NBPF11: variants seen among roughly 807,000 people sequenced by gnomAD.
The protein encoded by NBPF11 is NBPF member 11.
NBPF11 carries 72 observed loss-of-function variants against 93.9 expected under a neutral mutation model. The observed-to-expected ratio is 0.77, with a 90% CI of 0.63 to 0.93. The LOEUF (loss-of-function observed/expected upper bound fraction) is 0.93, where lower values mean the gene tolerates loss of function less well. Ranked by LOEUF, NBPF11 falls within the 40% of genes least tolerant of loss-of-function variation. NBPF11 has a pLI of 0.00. For missense variants in NBPF11, 705 were observed against 802.2 expected (o/e 0.88, Z 1.46); for synonymous variants, 224 against 304.9 (o/e 0.73, Z 2.76).
In NBPF11 at chr1:148,152,163, C is replaced by A. The variant is rs1305523196; in HGVS notation, c.-962G>T. The A allele has an allele frequency of 1.3e-5, 2 of 152,158 alleles. No individual in the cohort carries two copies. Among genetic ancestry groups the A allele is most frequent in the Non-Finnish European group, 2.9e-5 (2 of 68,092 alleles). The allele number at this position is 152,158 out of a possible 1,614,324, so 9.4% of individuals were successfully genotyped here. A position where few individuals can be genotyped will look rare whatever the true frequency, so the allele number is the denominator to read the frequency against. ...TCCCCTCCGCCTCTCTTTCAAAGCA[C>A]CAGCCCTTGACCCTGCAATTCGCTG... On this transcript the variant is annotated 5_prime_UTR_variant, in exon 1 of 24. Transcript: ENST00000682118.
chr1:148,149,641 G>A (rs1480419108), intron 1 of NBPF11: 7 of 1,330,954 alleles, frequency 5.3e-6, no homozygotes, highest in South Asian at 5.2e-5. Flanking sequence ...CCCACCCAGG[G>A]GCTGCATGTG....
chr1:148,117,001 G>A (rs1428602581), intron 12 of NBPF11, among the ~76,000 whole-genome samples: 1 of 152,146 alleles, frequency 6.6e-6, no homozygotes, highest in Non-Finnish European at 1.5e-5. Flanking sequence ...TCTATCCATG[G>A]GGAGTGCTCC....
chr1:148,126,812 G>A lies in NBPF11; in HGVS notation c.175+17C>T, dbSNP rs781981616. The A allele has an allele frequency of 1.6e-4, 251 of 1,596,310 alleles. No homozygotes were observed. Among genetic ancestry groups the A allele is most frequent in the Non-Finnish European group, 1.9e-4 (221 of 1,169,326 alleles). ...TCACATTCATCACTTTCATGATGGT[G>A]AGCCTATAGATCTTACTGTATTTCT... On this transcript the variant is annotated intron_variant, in intron 5 of 23. Coordinates refer to ENST00000682118, the MANE Select transcript of NBPF11 (RefSeq NM_001385469.3).
chr1:148,144,762 C>A (rs1424781216), intron 1 of NBPF11, among the ~76,000 whole-genome samples: 4 of 151,776 alleles, frequency 2.6e-5, no homozygotes, highest in African/African-American at 4.9e-5. Context: ...CAACTGAGCC[C>A]AAGTGTTTGA....
intron 14 of NBPF11, among the ~76,000 whole-genome samples, chr1:148,115,263 G>T (rs1327551215): frequency 6.7e-6 from 1 of 148,234 alleles, no homozygotes; most frequent in African/African-American, 2.5e-5. Context: ...GGAGAACCAG[G>T]GTCCAGCCTT....
In NBPF11 at chr1:148,118,640, C is replaced by G. The variant is rs74946467; in HGVS notation, c.1071G>C (p.Leu357=). ...QFKEEKLAEQ[L]KQAEELRQYK... ...CTCACCTGAGCTCCTCAGCTTGCTT[C>G]AGCTGCTCTGCAAGCTTCTCCTCCT... Residue 357 remains leucine (L), a synonymous_variant, in exon 11 of 24, where the codon CTG becomes CTC. Coordinates refer to ENST00000682118, the MANE Select transcript of NBPF11 (RefSeq NM_001385469.3). The G allele has an allele frequency of 7.3e-5, 117 of 1,610,620 alleles. No individual in the cohort carries two copies. Among genetic ancestry groups the G allele is most frequent in the East Asian group, 6.0e-4 (27 of 44,800 alleles).
intron 2 of NBPF11, among the ~76,000 whole-genome samples, chr1:148,143,117 T>A (rs1672462357): frequency 7.9e-6 from 1 of 126,980 alleles, no homozygotes; most frequent in African/African-American, 3.0e-5. Flanking sequence ...GAATGGGGGG[T>A]GAGAGGGGAA....
chr1:148,127,877 C>T (rs1320038997), intron 4 of NBPF11, among the ~76,000 whole-genome samples: 13 of 151,560 alleles, frequency 8.6e-5, no homozygotes, highest in South Asian at 8.3e-4. Context: ...AGGATGGTCT[C>T]GATCTCCTGA....
chr1:148,137,068 T>TGTCTCTA (rs1168894815), intron 3 of NBPF11, among the ~76,000 whole-genome samples: 1 of 151,930 alleles, frequency 6.6e-6, no homozygotes, highest in Non-Finnish European at 1.5e-5. Context: ...GCCACACCCT[T>TGTCTCTA]GTCTCTAAAG....
intron 9 of NBPF11, among the ~76,000 whole-genome samples, 178 bp from the exon 10 acceptor site, chr1:148,120,888 T>C (rs1212429971): frequency 2.0e-5 from 3 of 152,038 alleles, no homozygotes; most frequent in African/African-American, 7.3e-5. Context: ...GTCTTAGCTA[T>C]GCAGTCACCT....
chr1:148,141,859 G>A (rs1169507890), intron 2 of NBPF11, among the ~76,000 whole-genome samples: 1 of 151,872 alleles, frequency 6.6e-6, no homozygotes, highest in African/African-American at 2.4e-5. Flanking sequence ...CAAGACAGAA[G>A]CAGCTCCAGA....
At chr1:148,132,315 A>G (rs2149268063) in intron 4 of NBPF11, among the ~76,000 whole-genome samples, 1 of 142,916 alleles carries the variant, frequency 7.0e-6, no homozygotes, top group East Asian at 2.1e-4. Flanking sequence ...GTGAGTATCT[A>G]TTTCTGGATT....
chr1:148,145,841 C>G (rs1558168408), intron 1 of NBPF11, among the ~76,000 whole-genome samples: 1 of 151,282 alleles, frequency 6.6e-6, no homozygotes, highest in Non-Finnish European at 1.5e-5. Context: ...GATTGTACCA[C>G]TGCACTCCAG....
intron 2 of NBPF11, among the ~76,000 whole-genome samples, chr1:148,138,344 C>T (rs1671670251): frequency 1.3e-5 from 2 of 151,194 alleles, no homozygotes; most frequent in East Asian, 1.9e-4. Flanking sequence ...GCAAAGAGGC[C>T]TTCCTTCCTC....
intron 2 of NBPF11, among the ~76,000 whole-genome samples, chr1:148,142,034 GAGGA>G (rs1300396302): frequency 7.4e-6 from 1 of 135,240 alleles, no homozygotes; most frequent in South Asian, 2.6e-4. Context: ...GGAAGGGAGG[GAGGA>G]AGGAAGGCAG....
chr1:148,121,112 T>A (rs1279848334), intron 9 of NBPF11, among the ~76,000 whole-genome samples: 5 of 151,752 alleles, frequency 3.3e-5, no homozygotes, highest in Non-Finnish European at 7.4e-5. Context: ...AGGCACAATC[T>A]CAGCTCACTG....
chr1:148,115,468 A>G (rs1277915739), intron 14 of NBPF11, among the ~76,000 whole-genome samples: 2 of 150,816 alleles, frequency 1.3e-5, no homozygotes, highest in Admixed American at 6.6e-5. Context: ...CTCCATGGAC[A>G]TTGTTCAGGG....
chr1:148,103,571 G>T lies in NBPF11; in HGVS notation c.*325C>A. ...AGCCATGCCCACTGACCCATCCTATGTCTGGGCTTCCAAATGGAACTATAG... is the reference window on the plus strand; with the variant it reads ...AGCCATGCCCACTGACCCATCCTATTTCTGGGCTTCCAAATGGAACTATAG... On this transcript the variant is annotated 3_prime_UTR_variant, in exon 24 of 24. Transcript: ENST00000682118. 1.9e-6 allele frequency: 3 copies of T among 1,600,996 alleles called. No homozygotes were observed. The South Asian group carries it at 3.3e-5, about 18-fold the overall frequency.
intron 2 of NBPF11, among the ~76,000 whole-genome samples, chr1:148,142,286 G>A (rs1243042622): frequency 2.0e-5 from 3 of 151,826 alleles, no homozygotes; most frequent in East Asian, 1.9e-4. Flanking sequence ...AGAGAGAGAC[G>A]CACTACTGTA....
Sources: allele counts gnomAD v4.1 joint callset (sites outside exome capture counted in the v4.1 genomes callset), GRCh38; gene constraint gnomAD v4.1.1; transcripts MANE v1.5; gene names NCBI Gene and HGNC (gene_info 2026-07-23, HGNC 2026-07-21).